PCDHA8: variants seen among roughly 807,000 people sequenced by gnomAD.
The protein encoded by PCDHA8 is protocadherin alpha-8.
In PCDHA8, 53 loss-of-function variants were observed where a neutral mutation model predicts 61.8. The observed-to-expected ratio is 0.86, with a 90% CI of 0.69 to 1.08. The LOEUF is 1.08. Among genes scored for constraint, PCDHA8 ranks in the 50% least tolerant of loss-of-function variants. The pLI is 0.00. For missense variants in PCDHA8, 1,293 were observed against 1,245.0 expected (o/e 1.04, Z -0.58); for synonymous variants, 618 against 556.6 (o/e 1.11, Z -1.55).
chr5:140,873,989 T>C (rs1264143469), intron 1 of PCDHA8, among the ~76,000 whole-genome samples: 3 of 152,222 alleles, frequency 2.0e-5, no homozygotes, highest in African/African-American at 7.2e-5. Context: ...TTCCTTAGCA[T>C]GTATGGTACA....
chr5:140,849,126 T>C, intron 1 of PCDHA8: 1 of 1,386,260 alleles, frequency 7.2e-7, no homozygotes, highest in East Asian at 2.4e-5. Flanking sequence ...GCTTCATTTA[T>C]TGCTCACGGC....
chr5:140,876,181 G>T, intron 1 of PCDHA8: 1 of 1,613,982 alleles, frequency 6.2e-7, no homozygotes, highest in South Asian at 1.1e-5. Context: ...GGATGTGAAT[G>T]ACAATGGTCC....
intron 1 of PCDHA8, among the ~76,000 whole-genome samples, chr5:140,913,292 T>G (rs1252467748): frequency 6.6e-6 from 1 of 152,184 alleles, no homozygotes; most frequent in African/African-American, 2.4e-5. Flanking sequence ...AGGTTTTAAT[T>G]TCTTCATAGA....
At chr5:140,924,987 TC>T (rs1458982480) in intron 1 of PCDHA8, among the ~76,000 whole-genome samples, 4 of 151,232 alleles carry the variant, frequency 2.6e-5, no homozygotes, top group Admixed American at 6.6e-5. Context: ...ATGTCTGTAA[TC>T]CTAGCACTTT....
In PCDHA8 at chr5:140,869,686, A is replaced by T. The variant is rs782130952; in HGVS notation, c.2394+25971A>T. ...TAAGCAGATTAAAAGACTGTCACTT[A>T]TTTTAAAGAAGTCTCTGGATAGAGA... On this transcript the variant is annotated intron_variant, in intron 1 of 3. Transcript: ENST00000531613. The T allele has an allele frequency of 5.6e-6, 9 of 1,613,330 alleles. No homozygotes were observed. In the African/African-American group the frequency reaches 1.2e-4, roughly 22 times the overall value.
intron 1 of PCDHA8, chr5:140,968,459 G>A (rs1554230743): frequency 6.2e-7 from 1 of 1,614,094 alleles, no homozygotes; most frequent in African/African-American, 1.3e-5. Flanking sequence ...CACTGTGACT[G>A]CCAACGTATA....
At chr5:140,915,766 T>G (rs2077298451) in intron 1 of PCDHA8, among the ~76,000 whole-genome samples, 1 of 151,974 alleles carries the variant, frequency 6.6e-6, no homozygotes, top group African/African-American at 2.4e-5. Context: ...CTGGGTCTTG[T>G]CCAAGGCCTG....
chr5:140,849,692 C>T, intron 1 of PCDHA8: 2 of 1,598,700 alleles, frequency 1.3e-6, no homozygotes, highest in Non-Finnish European at 1.7e-6. Context: ...AGCTGGTGTC[C>T]ACCTACAAGA....
intron 1 of PCDHA8, among the ~76,000 whole-genome samples, chr5:140,906,844 G>C (rs1295549477): frequency 6.6e-6 from 1 of 152,192 alleles, no homozygotes; most frequent in Non-Finnish European, 1.5e-5. Context: ...TTCATCTTGA[G>C]AGTCTGGGTC....
intron 3 of PCDHA8, among the ~76,000 whole-genome samples, chr5:140,996,553 A>C (rs868960335): frequency 1.3e-5 from 2 of 152,172 alleles, no homozygotes; most frequent in African/African-American, 2.4e-5. Flanking sequence ...TGCTGTCACT[A>C]TCTTGAAGTT....
intron 1 of PCDHA8, chr5:140,852,492 G>T (rs972287680): frequency 4.6e-6 from 1 of 217,062 alleles, no homozygotes; most frequent in Non-Finnish European, 8.5e-6. Context: ...TGGCCAGGTT[G>T]GTCTCGAACT....
chr5:140,892,219 A>T (rs1248122428), intron 1 of PCDHA8, among the ~76,000 whole-genome samples: 2 of 152,118 alleles, frequency 1.3e-5, no homozygotes, highest in Non-Finnish European at 2.9e-5. Flanking sequence ...TTGTATCTTT[A>T]TGGTGTTTTG....
chr5:140,974,396 G>C (rs1413050341), intron 1 of PCDHA8, among the ~76,000 whole-genome samples: 1 of 152,178 alleles, frequency 6.6e-6, no homozygotes, highest in Admixed American at 6.5e-5. Context: ...CATTAGGTAT[G>C]TTCTAAAGTT....
chr5:140,858,054 T>G, intron 1 of PCDHA8: 2 of 1,597,316 alleles, frequency 1.3e-6, no homozygotes, highest in South Asian at 2.2e-5. Flanking sequence ...GTGTCGCTTG[T>G]GGAGGGCAGC....
intron 1 of PCDHA8, chr5:140,853,382 A>C: frequency 1.0e-6 from 1 of 985,900 alleles, no homozygotes; most frequent in Non-Finnish European, 1.2e-6. Context: ...TAAAATTCAA[A>C]ACAGCCTGTC....
intron 3 of PCDHA8, among the ~76,000 whole-genome samples, chr5:140,990,141 C>A (rs2097376222): frequency 6.6e-6 from 1 of 151,818 alleles, no homozygotes; most frequent in African/African-American, 2.4e-5. Flanking sequence ...ACTCAAGAGG[C>A]ATAATAATAG....
intron 1 of PCDHA8, among the ~76,000 whole-genome samples, chr5:140,933,534 ATAATGT>A (rs1401849089): frequency 6.6e-6 from 1 of 152,102 alleles, no homozygotes; most frequent in Non-Finnish European, 1.5e-5. Context: ...TAAACTCAAA[ATAATGT>A]TAATATAAAA....
At chr5:140,902,702 C>T (rs78828243) in intron 1 of PCDHA8, among the ~76,000 whole-genome samples, 7,835 of 152,116 alleles carry the variant, frequency 0.052, 268 homozygotes, top group Admixed American at 0.075. Flanking sequence ...AGTCTTTTAT[C>T]TTTCACTCCC....
chr5:140,966,916 G>A lies in PCDHA8; in HGVS notation c.2395-12033G>A, dbSNP rs1554228883. On this transcript the variant is annotated intron_variant, in intron 1 of 3. Coordinates refer to ENST00000531613, the MANE Select transcript of PCDHA8 (RefSeq NM_018911.3). Reference sequence around the variant, plus strand: ...CCCAGCTGCGATACTCTGTGCCAGAGGAGCAGGCACCCGGCGCGCTCGTGG... The same window carrying A: ...CCCAGCTGCGATACTCTGTGCCAGAAGAGCAGGCACCCGGCGCGCTCGTGG... 13 of 1,602,486 alleles carry A rather than the reference G, an allele frequency of 8.1e-6. No individual in the cohort carries two copies. In the South Asian group the frequency reaches 1.4e-4, roughly 18 times the overall value.
Sources: gnomAD v4.1 joint callset for allele counts (sites outside exome capture counted in the v4.1 genomes callset) on GRCh38, gnomAD v4.1.1 for gene constraint, MANE v1.5 for transcripts, NCBI Gene and HGNC (gene_info 2026-07-23, HGNC 2026-07-21) for gene names.